The following FARSB variants were observed in gnomAD, a reference collection of about 807,000 sequenced individuals.
The protein encoded by FARSB is phenylalanine--tRNA ligase beta subunit.
In FARSB, 40 loss-of-function variants were observed where a neutral mutation model predicts 69.6. The observed-to-expected ratio is 0.57, with a 90% CI of 0.45 to 0.75. FARSB has a LOEUF of 0.75. FARSB is among the 30% of genes least tolerant of loss of function. The pLI, the probability that FARSB is intolerant of heterozygous loss-of-function variation, is 0.00. For synonymous variants in FARSB, 235 were observed against 247.2 expected (o/e 0.95, Z 0.46); for missense variants, 632 against 722.9 (o/e 0.87, Z 1.44).
chr2:222,627,955 T>C (rs1466222373), intron 10 of FARSB, among the ~76,000 whole-genome samples: 1 of 152,252 alleles, frequency 6.6e-6, no homozygotes, highest in African/African-American at 2.4e-5. Flanking sequence ...GATACTGTTA[T>C]GTTTTAGAAC....
chr2:222,582,662 C>G (rs951651467), intron 16 of FARSB, among the ~76,000 whole-genome samples: 2 of 152,098 alleles, frequency 1.3e-5, no homozygotes, highest in Non-Finnish European at 2.9e-5. Context: ...CAGTGGCTCA[C>G]GCCTGTAACC....
At chr2:222,644,306 A>G (rs1400203205) in intron 2 of FARSB, among the ~76,000 whole-genome samples, 5 of 151,986 alleles carry the variant, frequency 3.3e-5, no homozygotes, top group Non-Finnish European at 7.4e-5. Flanking sequence ...GCTCCAAAAA[A>G]CCTCTACCTT....
intron 13 of FARSB, among the ~76,000 whole-genome samples, chr2:222,621,861 T>G (rs930130830): frequency 2.0e-5 from 3 of 152,224 alleles, no homozygotes; most frequent in African/African-American, 7.2e-5. Context: ...ATAAACATCT[T>G]TAATGTTGAA....
chr2:222,642,160 C>A (rs1288749792), intron 3 of FARSB, among the ~76,000 whole-genome samples: 3 of 152,120 alleles, frequency 2.0e-5, no homozygotes, highest in Non-Finnish European at 4.4e-5. Context: ...GCCACTATGC[C>A]TGGCTAATTT....
intron 7 of FARSB, among the ~76,000 whole-genome samples, chr2:222,632,092 C>G (rs773318585): frequency 6.6e-6 from 1 of 151,970 alleles, no homozygotes; most frequent in Non-Finnish European, 1.5e-5. Flanking sequence ...TGCCATTGCA[C>G]TCCAGCCTGG....
At chr2:222,619,295 G>A (rs1441258420) in intron 14 of FARSB, among the ~76,000 whole-genome samples, 4 of 141,676 alleles carry the variant, frequency 2.8e-5, no homozygotes, top group African/African-American at 1.1e-4. Flanking sequence ...AACAGGGCAA[G>A]ACTCTGTCCC....
At chr2:222,621,260 C>A (rs1691127748) in intron 13 of FARSB, among the ~76,000 whole-genome samples, 1 of 152,064 alleles carries the variant, frequency 6.6e-6, no homozygotes, top group African/African-American at 2.4e-5. Flanking sequence ...ATTAAGCTAC[C>A]CTGAAGTGGC....
chr2:222,609,888 A>G (rs986947502), intron 15 of FARSB, among the ~76,000 whole-genome samples: 1 of 152,174 alleles, frequency 6.6e-6, no homozygotes, highest in African/African-American at 2.4e-5. Flanking sequence ...TCCAGTATGG[A>G]TTCTATTTTC....
At chr2:222,578,553 AAGG>A (rs1482567920) in intron 16 of FARSB, among the ~76,000 whole-genome samples, 1 of 152,226 alleles carries the variant, frequency 6.6e-6, no homozygotes. Flanking sequence ...GTAAAAGAAA[AAGG>A]AGGCCGGGCA....
Position 222,567,793 on chromosome 2 carries a change from G to A in FARSB, c.*4078C>T, listed in dbSNP as rs1689656824. The A allele has an allele frequency of 1.3e-5, 2 of 152,186 alleles. No homozygotes were observed. Among genetic ancestry groups the A allele is most frequent in the South Asian group, 4.1e-4 (2 of 4,826 alleles). 9.4% of individuals were successfully genotyped at this position (152,186 alleles called of 1,614,324 possible). ...ATACAGTCTTGCACCCATTAGGACT[G>A]GTTTTCCTTGGGGTCCTAAGCCAGT... On this transcript the variant is annotated 3_prime_UTR_variant, in exon 17 of 17. Coordinates refer to ENST00000281828, the MANE Select transcript of FARSB (RefSeq NM_005687.5).
At chr2:222,628,701 T>C (rs1691337675) in intron 10 of FARSB, 136 bp downstream of exon 10, 1 of 579,428 alleles carries the variant, frequency 1.7e-6, no homozygotes. Context: ...ACTAAATCCA[T>C]GTAATGCACA....
intron 8 of FARSB, 22 bp downstream of exon 8, chr2:222,631,582 A>C (rs746287660): frequency 7.5e-7 from 1 of 1,326,018 alleles, no homozygotes; most frequent in South Asian, 1.2e-5. Context: ...TCATACAAAA[A>C]TTGAGTAAAA....
intron 5 of FARSB, among the ~76,000 whole-genome samples, chr2:222,638,784 T>C (rs1018937365): frequency 7.2e-5 from 11 of 152,212 alleles, no homozygotes; most frequent in Non-Finnish European, 1.5e-4. Context: ...AAAAATTCTT[T>C]TTCTATTTTT....
At position 222,641,215 on chromosome 2, in the gene FARSB, G is replaced by A. The variant is rs555052933; in HGVS notation, c.270-284C>T. ...GCTACAAACCATTAACTGAGCAACC[G>A]TTTAAGGAGCATTTCAACATCAGCT... On this transcript the variant is annotated intron_variant, in intron 3 of 16. Coordinates refer to ENST00000281828, the MANE Select transcript of FARSB (RefSeq NM_005687.5). 5.3e-5 allele frequency among the ~76,000 whole-genome samples: 8 copies of A among 152,244 alleles called. No homozygotes were observed. In the South Asian group the frequency reaches 6.2e-4, roughly 12 times the overall value.
chr2:222,635,540 A>G (rs985956620), intron 5 of FARSB, among the ~76,000 whole-genome samples: 3 of 152,250 alleles, frequency 2.0e-5, no homozygotes, highest in Non-Finnish European at 4.4e-5. Context: ...AGGATAAAAT[A>G]TGCATGGTTT....
At chr2:222,608,136 T>G (rs1286153170) in intron 15 of FARSB, among the ~76,000 whole-genome samples, 1 of 152,178 alleles carries the variant, frequency 6.6e-6, no homozygotes, top group African/African-American at 2.4e-5. Flanking sequence ...ATTGTTAATG[T>G]CGATGCTCCT....
chr2:222,620,693 T>A (rs1691113911), intron 13 of FARSB, among the ~76,000 whole-genome samples: 1 of 152,246 alleles, frequency 6.6e-6, no homozygotes. Context: ...GCTAGCTTTT[T>A]GAAAAAGCAT....
At chr2:222,648,914 G>C in intron 1 of FARSB, 119 bp from the exon 2 acceptor site, 1 of 749,562 alleles carries the variant, frequency 1.3e-6, no homozygotes, top group Non-Finnish European at 2.4e-6. Flanking sequence ...CTAAATATCA[G>C]GCATCACATA....
intron 16 of FARSB, among the ~76,000 whole-genome samples, chr2:222,589,636 G>T (rs1690211360): frequency 2.6e-5 from 4 of 151,952 alleles, no homozygotes. Flanking sequence ...CTAATATCCA[G>T]AATCTACAAA....
Sources: gnomAD v4.1 joint callset for allele counts (sites outside exome capture counted in the v4.1 genomes callset) on GRCh38, gnomAD v4.1.1 for gene constraint, MANE v1.5 for transcripts, NCBI Gene and HGNC (gene_info 2026-07-23, HGNC 2026-07-21) for gene names.